The following KDM4C variants were observed in gnomAD, a reference collection of about 807,000 sequenced individuals.
KDM4C encodes lysine demethylase 4C, also known as lysine-specific demethylase 4C.
In KDM4C, 81 loss-of-function variants were observed where a neutral mutation model predicts 129.3. The observed-to-expected ratio is 0.63, with a 90% CI of 0.52 to 0.75. The LOEUF is 0.75. Ranked by LOEUF, KDM4C falls within the 30% of genes least tolerant of loss-of-function variation. The pLI is 0.00. For missense variants in KDM4C, 1,457 were observed against 1,304.0 expected (o/e 1.12, Z -1.81); for synonymous variants, 573 against 456.1 (o/e 1.26, Z -3.26).
intron 3 of KDM4C, among the ~76,000 whole-genome samples, chr9:6,812,881 A>G (rs1831413744): frequency 6.6e-6 from 1 of 152,184 alleles, no homozygotes; most frequent in African/African-American, 2.4e-5. Flanking sequence ...CTTTTTATTA[A>G]AAACATTTTT....
intron 5 of KDM4C, among the ~76,000 whole-genome samples, chr9:6,877,302 G>A (rs1393965302): frequency 2.0e-5 from 3 of 152,160 alleles, no homozygotes; most frequent in South Asian, 2.1e-4. Context: ...CTGGCTTCAC[G>A]CCATTCTTCT....
intron 19 of KDM4C, among the ~76,000 whole-genome samples, chr9:7,155,369 A>T (rs548572613): frequency 2.3e-3 from 354 of 151,624 alleles, no homozygotes; most frequent in African/African-American, 7.9e-3. Flanking sequence ...ATTTTTTTTT[A>T]AATTATACTT....
At chr9:6,905,325 G>A (rs1818129267) in intron 8 of KDM4C, among the ~76,000 whole-genome samples, 1 of 152,148 alleles carries the variant, frequency 6.6e-6, no homozygotes, top group Non-Finnish European at 1.5e-5. Context: ...GCCCTTGTAT[G>A]AAACTCTTCT....
intron 8 of KDM4C, among the ~76,000 whole-genome samples, chr9:6,920,907 T>C (rs1821384733): frequency 6.6e-6 from 1 of 152,196 alleles, no homozygotes; most frequent in Admixed American, 6.5e-5. Context: ...ATGGCATGTT[T>C]TGAGGTATCA....
intron 10 of KDM4C, among the ~76,000 whole-genome samples, 200 bp downstream of exon 10, chr9:6,984,604 A>G (rs1817360000): frequency 6.6e-6 from 1 of 152,200 alleles, no homozygotes; most frequent in African/African-American, 2.4e-5. Context: ...GTGTAGCAGA[A>G]TTGTGAGACA....
intron 5 of KDM4C, among the ~76,000 whole-genome samples, chr9:6,868,307 T>A (rs1484115688): frequency 2.0e-5 from 3 of 152,128 alleles, no homozygotes; most frequent in Non-Finnish European, 4.4e-5. Context: ...GTGAGGAAAC[T>A]TGAGGAAAAT....
intron 19 of KDM4C, among the ~76,000 whole-genome samples, chr9:7,156,784 C>T (rs1370876186): frequency 3.9e-5 from 6 of 152,082 alleles, no homozygotes; most frequent in Non-Finnish European, 7.4e-5. Context: ...AGTCAGATAG[C>T]GTGATGTCTC....
At chr9:7,140,389 G>T (rs562114621) in intron 19 of KDM4C, among the ~76,000 whole-genome samples, 2 of 152,224 alleles carry the variant, frequency 1.3e-5, no homozygotes, top group Non-Finnish European at 2.9e-5. Flanking sequence ...AAATTAAAAG[G>T]GCAAAAATGT....
intron 3 of KDM4C, among the ~76,000 whole-genome samples, chr9:6,807,791 G>A (rs1365189429): frequency 1.3e-5 from 1 of 77,430 alleles, no homozygotes; most frequent in Non-Finnish European, 2.4e-5. Flanking sequence ...GGAGGGAGGT[G>A]GGGGGGGGGT....
intron 4 of KDM4C, among the ~76,000 whole-genome samples, chr9:6,842,153 G>C (rs1837049270): frequency 6.6e-6 from 1 of 152,056 alleles, no homozygotes; most frequent in African/African-American, 2.4e-5. Flanking sequence ...TCATTTTAAA[G>C]CAGTAAGCTC....
At chr9:7,039,380 A>G (rs959198258) in intron 15 of KDM4C, among the ~76,000 whole-genome samples, 10 of 152,032 alleles carry the variant, frequency 6.6e-5, no homozygotes, top group Middle Eastern at 3.4e-3. Context: ...TCTAATTTCA[A>G]TTTTTTTGTA....
At chr9:6,875,990 G>A (rs981313025) in intron 5 of KDM4C, among the ~76,000 whole-genome samples, 2 of 152,188 alleles carry the variant, frequency 1.3e-5, no homozygotes, top group African/African-American at 4.8e-5. Context: ...CTGTGATGGT[G>A]CAGTAGAGAA....
intron 15 of KDM4C, among the ~76,000 whole-genome samples, chr9:7,036,935 T>C (rs1301707863): frequency 6.6e-6 from 1 of 152,188 alleles, no homozygotes; most frequent in Non-Finnish European, 1.5e-5. Context: ...CAGGTGAATT[T>C]TGGATTTGCA....
rs956328727 is a variant in KDM4C at position 6,758,154 on chromosome 9, T to G, written c.-67T>G. The G allele has an allele frequency of 5.2e-5, 51 of 985,688 alleles. No homozygotes were observed. Among genetic ancestry groups the G allele is most frequent in the Non-Finnish European group, 6.1e-5 (51 of 830,280 alleles). The allele number at this position is 985,688 out of a possible 1,614,324, so 61.1% of individuals were successfully genotyped here. ...TCTCCCTGGGCCGGAGGCCACTGTC[T>G]TCTCTTCCTCCTCCACCGAGTCGTG... On this transcript the variant is annotated 5_prime_UTR_variant, in exon 1 of 22. Transcript: ENST00000381309. This position sits in a 1 kb window ranked among gnomAD's most constrained non-coding sequence, Gnocchi z 4.6.
intron 4 of KDM4C, among the ~76,000 whole-genome samples, chr9:6,834,284 G>T (rs1173954766): frequency 6.6e-6 from 1 of 151,946 alleles, no homozygotes; most frequent in Non-Finnish European, 1.5e-5. Context: ...CAATCTGCTC[G>T]CCTTGGCCTC....
intron 8 of KDM4C, among the ~76,000 whole-genome samples, chr9:6,903,997 T>C (rs1817853632): frequency 6.6e-6 from 1 of 152,178 alleles, no homozygotes; most frequent in Admixed American, 6.5e-5. Context: ...CCCAGCACTT[T>C]GAGAGGCTGA....
chr9:6,809,409 C>G (rs1830735895), intron 3 of KDM4C, among the ~76,000 whole-genome samples: 1 of 152,156 alleles, frequency 6.6e-6, no homozygotes, highest in South Asian at 2.1e-4. Context: ...GTACCCATTT[C>G]CAGTGTCTCT....
chr9:7,165,095 C>T (rs1844236708), intron 19 of KDM4C, 143 bp from the exon 20 acceptor site: 1 of 950,334 alleles, frequency 1.1e-6, no homozygotes, highest in African/African-American at 1.7e-5. Flanking sequence ...TATCTCTTCC[C>T]CTGAACACCC....
chr9:6,935,511 A>C (rs1824612351), intron 8 of KDM4C, among the ~76,000 whole-genome samples: 1 of 151,378 alleles, frequency 6.6e-6, no homozygotes, highest in Admixed American at 6.6e-5. Context: ...CCCATCTCCC[A>C]AGTTCAAGAG....
Sources: allele counts gnomAD v4.1 joint callset (sites outside exome capture counted in the v4.1 genomes callset), GRCh38; gene constraint gnomAD v4.1.1; non-coding constraint Gnocchi (gnomAD v3.1); transcripts MANE v1.5; gene names NCBI Gene and HGNC (gene_info 2026-07-23, HGNC 2026-07-21).